The following MTR variants were observed in gnomAD, a reference collection of about 807,000 sequenced individuals.
The protein encoded by MTR is 5-methyltetrahydrofolate-homocysteine methyltransferase, also known as methionine synthase.
MTR carries 84 observed loss-of-function variants against 154.8 expected under a neutral mutation model. The observed-to-expected ratio is 0.54, with a 90% CI of 0.45 to 0.65. The LOEUF (loss-of-function observed/expected upper bound fraction) is 0.65, where lower values mean the gene tolerates loss of function less well. Ranked by LOEUF, MTR falls within the 30% of genes least tolerant of loss-of-function variation. The probability of loss-of-function intolerance (pLI) is 0.00; values close to 1 mark genes in which losing one functional copy is unlikely to be tolerated. For missense variants in MTR, 1,275 were observed against 1,570.2 expected, an observed-to-expected ratio of 0.81 and a Z score of 3.18; for synonymous variants, 554 against 553.9, an observed-to-expected ratio of 1.00 and a Z score of 0.00.
chr1:236,895,787 G>A (rs1254188769), intron 31 of MTR, among the ~76,000 whole-genome samples: 3 of 152,124 alleles, frequency 2.0e-5, no homozygotes, highest in Non-Finnish European at 4.4e-5. Context: ...CTTGGCCTAC[G>A]CCAGATGGGA....
intron 18 of MTR, among the ~76,000 whole-genome samples, chr1:236,854,336 G>A (rs1664079636): frequency 6.6e-6 from 1 of 152,274 alleles, no homozygotes; most frequent in East Asian, 1.9e-4. Flanking sequence ...TTTCTCATGT[G>A]GACCCAGGAC....
At chr1:236,855,657 A>G (rs1664161144) in intron 18 of MTR, among the ~76,000 whole-genome samples, 2 of 152,192 alleles carry the variant, frequency 1.3e-5, no homozygotes, top group African/African-American at 4.8e-5. Context: ...TAACCTACAC[A>G]ACCGTGAGGC....
chr1:236,863,168 G>A (rs774662274), intron 21 of MTR, among the ~76,000 whole-genome samples: 5 of 152,098 alleles, frequency 3.3e-5, no homozygotes, highest in Admixed American at 2.6e-4. Flanking sequence ...AAGTTCCCCC[G>A]CACCCAGAGT....
chr1:236,854,498 T>TA (rs1664090892), intron 18 of MTR, among the ~76,000 whole-genome samples: 2 of 152,334 alleles, frequency 1.3e-5, no homozygotes, highest in South Asian at 4.1e-4. Context: ...ACATGGGCGT[T>TA]AAACACTATT....
At chr1:236,817,754 C>G (rs1470095654) in intron 8 of MTR, among the ~76,000 whole-genome samples, 1 of 152,164 alleles carries the variant, frequency 6.6e-6, no homozygotes, top group Admixed American at 6.5e-5. Context: ...GTGCATCTTA[C>G]AGTTGACTTA....
At chr1:236,880,997 G>A (rs1415137740) in intron 25 of MTR, among the ~76,000 whole-genome samples, 161 bp downstream of exon 25, 1 of 152,198 alleles carries the variant, frequency 6.6e-6, no homozygotes, top group Non-Finnish European at 1.5e-5. Flanking sequence ...CTGCCTTGCT[G>A]GAAGGAGGTC....
At chr1:236,886,745 C>T (rs1028554076) in intron 27 of MTR, among the ~76,000 whole-genome samples, 3 of 152,206 alleles carry the variant, frequency 2.0e-5, no homozygotes, top group East Asian at 1.9e-4. Flanking sequence ...GCTGTGCTTG[C>T]GTGGGTCCCC....
At chr1:236,854,734 G>A (rs934378018) in intron 18 of MTR, among the ~76,000 whole-genome samples, 2 of 152,156 alleles carry the variant, frequency 1.3e-5, no homozygotes, top group Non-Finnish European at 2.9e-5. Flanking sequence ...TTGTAAGACC[G>A]TTCCCATTTA....
intron 29 of MTR, among the ~76,000 whole-genome samples, chr1:236,893,560 G>T (rs1319424197): frequency 6.6e-6 from 1 of 152,218 alleles, no homozygotes; most frequent in Non-Finnish European, 1.5e-5. Flanking sequence ...GGGTTAAATA[G>T]TAATTCATAT....
intron 15 of MTR, among the ~76,000 whole-genome samples, chr1:236,849,917 C>T (rs1241113994): frequency 6.6e-6 from 1 of 152,174 alleles, no homozygotes; most frequent in Non-Finnish European, 1.5e-5. Context: ...TGTGACACTG[C>T]TGTCAGGTCA....
At chr1:236,846,381 A>G (rs910690762) in intron 15 of MTR, among the ~76,000 whole-genome samples, 16 of 148,490 alleles carry the variant, frequency 1.1e-4, no homozygotes, top group African/African-American at 3.9e-4. Flanking sequence ...TAATTATCAC[A>G]TAATAGCAGA....
At position 236,898,575 on chromosome 1, in the gene MTR, G is replaced by T; in HGVS notation, c.*931G>T. The T allele has an allele frequency of 6.6e-6, 1 of 151,702 alleles. No individual in the cohort carries two copies. The highest frequency in any genetic ancestry group is 2.4e-5 in the African/African-American group (1 of 41,276). The allele number at this position is 151,702 out of a possible 1,614,324, so 9.4% of individuals were successfully genotyped here. ...CCACCACACCCGGCTAATTTTTTGT[G>T]TTTTTACAAAATACAAAAAAGTAGA... On this transcript the variant is annotated 3_prime_UTR_variant, in exon 33 of 33. Transcript: ENST00000366577.
chr1:236,823,261 C>T (rs1397225005), intron 8 of MTR, among the ~76,000 whole-genome samples: 3 of 152,186 alleles, frequency 2.0e-5, no homozygotes, highest in African/African-American at 2.4e-5. Flanking sequence ...CAGAGTTTTT[C>T]GAATTCTGGA....
chr1:236,888,184 G>C (rs1455197699), intron 27 of MTR, among the ~76,000 whole-genome samples: 1 of 152,186 alleles, frequency 6.6e-6, no homozygotes, highest in Non-Finnish European at 1.5e-5. Context: ...TGGTAGAATA[G>C]GAAGTTCCCT....
chr1:236,861,097 C>CTTTTTTTTTTTTTTTTTTCTTTTTTT, intron 19 of MTR, 28 bp from the exon 20 acceptor site: 4 of 1,156,660 alleles, frequency 3.5e-6, no homozygotes, highest in Non-Finnish European at 1.2e-6. Flanking sequence ...CTTTCTTTTT[C>CTTTTTTTTTTTTTTTTTTCTTTTTTT]TTTTTTTTTT....
intron 14 of MTR, among the ~76,000 whole-genome samples, chr1:236,836,656 T>C (rs1244801678): frequency 6.6e-6 from 1 of 152,202 alleles, no homozygotes; most frequent in Non-Finnish European, 1.5e-5. Context: ...AGATTTAAGT[T>C]AGAGTCTATG....
chr1:236,820,187 T>A, intron 8 of MTR: 1 of 761,976 alleles, frequency 1.3e-6, no homozygotes, highest in Non-Finnish European at 2.4e-6. Context: ...GTTCTGCACA[T>A]GCGTGGCACC....
chr1:236,850,793 G>A lies in MTR; in HGVS notation c.1695+270G>A, dbSNP rs10925248. Reference sequence around the variant, plus strand: ...GTTGCATTGAGCTGGGATCACGCCAGTGCGCTCTAGCCTGGGCGACAGAGT... The same window carrying A: ...GTTGCATTGAGCTGGGATCACGCCAATGCGCTCTAGCCTGGGCGACAGAGT... On this transcript the variant is annotated intron_variant, in intron 16 of 32. Coordinates refer to ENST00000366577, the MANE Select transcript of MTR (RefSeq NM_000254.3). Among the ~76,000 whole-genome samples the A allele has an allele frequency of 0.43, 64,667 of 151,930 alleles. 13,960 individuals are homozygous for A. Among genetic ancestry groups the A allele is most frequent in the East Asian group, 0.46 (2,362 of 5,134 alleles).
chr1:236,888,934 G>GTT (rs1393365618), intron 27 of MTR, among the ~76,000 whole-genome samples: 2 of 152,222 alleles, frequency 1.3e-5, no homozygotes, highest in Non-Finnish European at 2.9e-5. Context: ...GGATGGAAGG[G>GTT]TTGAGGGAAC....
Sources: gnomAD v4.1 joint callset for allele counts (sites outside exome capture counted in the v4.1 genomes callset) on GRCh38, gnomAD v4.1.1 for gene constraint, MANE v1.5 for transcripts, NCBI Gene and HGNC (gene_info 2026-07-23, HGNC 2026-07-21) for gene names.